BNC2: variants seen among roughly 807,000 people sequenced by gnomAD.
BNC2 encodes zinc finger protein basonuclin-2.
BNC2 carries 20 observed loss-of-function variants against 76.3 expected under a neutral mutation model. The observed-to-expected ratio is 0.26, with a 90% CI of 0.18 to 0.38. The LOEUF (loss-of-function observed/expected upper bound fraction) is 0.38, where lower values mean the gene tolerates loss of function less well. Among genes scored for constraint, BNC2 ranks in the 10% least tolerant of loss-of-function variants. The probability of loss-of-function intolerance (pLI) is 1.00; values close to 1 mark genes in which losing one functional copy is unlikely to be tolerated. For missense variants in BNC2, 1,382 were observed against 1,399.8 expected (o/e 0.99, Z 0.20); for synonymous variants, 582 against 514.8 (o/e 1.13, Z -1.77).
chr9:16,720,399 T>C (rs1382508719), intron 3 of BNC2, among the ~76,000 whole-genome samples: 1 of 152,196 alleles, frequency 6.6e-6, no homozygotes, highest in East Asian at 1.9e-4. Context: ...AGGAACAGAA[T>C]AACCTTGTAT....
At chr9:16,632,907 G>C (rs549253172) in intron 3 of BNC2, among the ~76,000 whole-genome samples, 11 of 152,264 alleles carry the variant, frequency 7.2e-5, no homozygotes, top group African/African-American at 2.6e-4. Flanking sequence ...AGTTTTATAG[G>C]AGGGTAGGTT....
At chr9:16,673,447 C>A (rs1262986581) in intron 3 of BNC2, among the ~76,000 whole-genome samples, 3 of 149,122 alleles carry the variant, frequency 2.0e-5, no homozygotes, top group Admixed American at 6.7e-5. Context: ...AAAAAAAACA[C>A]ACACACACAC....
At chr9:16,753,707 T>G (rs1233226389) in intron 1 of BNC2, among the ~76,000 whole-genome samples, 1 of 152,236 alleles carries the variant, frequency 6.6e-6, no homozygotes, top group Non-Finnish European at 1.5e-5. Context: ...AAGCCCAGTA[T>G]GTCCCTTCTC....
intron 1 of BNC2, among the ~76,000 whole-genome samples, chr9:16,855,703 G>T (rs1228130411): frequency 6.6e-6 from 1 of 151,210 alleles, no homozygotes; most frequent in African/African-American, 2.4e-5. Context: ...ACGCCCGGCT[G>T]ATTTCTTGTA....
chr9:16,493,576 TA>T (rs1822322591), intron 5 of BNC2, among the ~76,000 whole-genome samples: 1 of 152,182 alleles, frequency 6.6e-6, no homozygotes, highest in Non-Finnish European at 1.5e-5. Flanking sequence ...CTCCAGTTAA[TA>T]AACATTTAAG....
intron 3 of BNC2, among the ~76,000 whole-genome samples, chr9:16,698,740 G>A (rs954533329): frequency 2.0e-5 from 3 of 151,726 alleles, no homozygotes; most frequent in Admixed American, 2.0e-4. Flanking sequence ...GACATGGAAA[G>A]ATACTTAGGA....
At chr9:16,465,407 G>T (rs1452336553) in intron 5 of BNC2, among the ~76,000 whole-genome samples, 1 of 138,766 alleles carries the variant, frequency 7.2e-6, no homozygotes. Context: ...CTACACTGTA[G>T]CCTGGGCGAC....
chr9:16,565,910 G>A (rs921630191), intron 4 of BNC2, among the ~76,000 whole-genome samples: 2 of 151,930 alleles, frequency 1.3e-5, no homozygotes, highest in South Asian at 2.1e-4. Flanking sequence ...TGGGAGTCGG[G>A]TATTCCAGGC....
At chr9:16,568,111 C>T (rs576455885) in intron 4 of BNC2, among the ~76,000 whole-genome samples, 1 of 152,242 alleles carries the variant, frequency 6.6e-6, no homozygotes, top group African/African-American at 2.4e-5. Flanking sequence ...CTCTGGGTCT[C>T]TTGCCTCAAC....
At chr9:16,559,007 A>G (rs1236829871) in intron 4 of BNC2, among the ~76,000 whole-genome samples, 1 of 152,192 alleles carries the variant, frequency 6.6e-6, no homozygotes, top group Non-Finnish European at 1.5e-5. Context: ...TCCAGGCTGA[A>G]TGCAATTCAC....
At position 16,847,401 on chromosome 9, in the gene BNC2, C is replaced by CGGGGGGGGGGGGGGG. The variant is rs869051853; in HGVS notation, c.3+23244_3+23245insCCCCCCCCCCCCCCC. On this transcript the variant is annotated intron_variant, in intron 1 of 6. Transcript: ENST00000380672. ...ACATCTCTCTGAAGATTTCTCGGGG[C>CGGGGGGGGGGGGGGG]GGGGGGGGGGGGGCGGCGGGCAACA... Among the ~76,000 whole-genome samples the CGGGGGGGGGGGGGGG allele has an allele frequency of 2.9e-4, 3 of 10,352 alleles. 1 individual carries two copies. The highest frequency in any genetic ancestry group is 3.1e-3 in the East Asian group (1 of 322). The allele number at this position is 10,352 out of a possible 152,430, so 6.8% of individuals were successfully genotyped here.
chr9:16,738,241 G>T, intron 2 of BNC2, 119 bp downstream of exon 2: 3 of 1,116,788 alleles, frequency 2.7e-6, no homozygotes, highest in Non-Finnish European at 4.0e-6. Context: ...ATGAGGATAA[G>T]TATGAAAGAC....
At chr9:16,507,043 C>T (rs1380647525) in intron 5 of BNC2, among the ~76,000 whole-genome samples, 2 of 152,112 alleles carry the variant, frequency 1.3e-5, no homozygotes, top group African/African-American at 2.4e-5. Context: ...CATGAGCCAC[C>T]AAGCCCAGCC....
intron 5 of BNC2, among the ~76,000 whole-genome samples, chr9:16,471,792 C>T (rs1821831869): frequency 6.6e-6 from 1 of 152,040 alleles, no homozygotes; most frequent in Non-Finnish European, 1.5e-5. Flanking sequence ...TTGGCTGTGT[C>T]CCCACCAAAA....
chr9:16,599,248 T>C (rs1820178064), intron 3 of BNC2, among the ~76,000 whole-genome samples: 1 of 152,220 alleles, frequency 6.6e-6, no homozygotes, highest in Non-Finnish European at 1.5e-5. Flanking sequence ...AATATGAGCT[T>C]AATGTCAATC....
At chr9:16,472,237 C>T (rs1821841818) in intron 5 of BNC2, among the ~76,000 whole-genome samples, 1 of 152,208 alleles carries the variant, frequency 6.6e-6, no homozygotes, top group South Asian at 2.1e-4. Context: ...TATATAACCT[C>T]ACTGCTTTCT....
chr9:16,766,749 C>T (rs943771154), intron 1 of BNC2, among the ~76,000 whole-genome samples: 12 of 152,168 alleles, frequency 7.9e-5, no homozygotes, highest in African/African-American at 2.9e-4. Flanking sequence ...AGTTTGGAAT[C>T]ATCAAATGGC....
rs184039663 is a variant in BNC2, at chr9:16,629,178, T to G, written c.331-46093A>C. ...ACCTTTTATGTTTACTTTTATTGCC[T>G]AATTTAGCCAAACACATTACTCTAA... On this transcript the variant is annotated intron_variant, in intron 3 of 6. Transcript: ENST00000380672. 6.7e-3 allele frequency among the ~76,000 whole-genome samples: 1,018 copies of G among 152,324 alleles called. 12 individuals are homozygous for G. The highest frequency in any genetic ancestry group is 0.024 in the African/African-American group (994 of 41,580).
intron 1 of BNC2, among the ~76,000 whole-genome samples, chr9:16,852,291 T>G (rs887852273): frequency 6.6e-6 from 1 of 152,108 alleles, no homozygotes; most frequent in Non-Finnish European, 1.5e-5. Flanking sequence ...CCCCAAATCG[T>G]AAAGGATGAT....
Sources: allele counts gnomAD v4.1 joint callset (sites outside exome capture counted in the v4.1 genomes callset), GRCh38; gene constraint gnomAD v4.1.1; transcripts MANE v1.5; gene names NCBI Gene and HGNC (gene_info 2026-07-23, HGNC 2026-07-21).